Variants in POU6F2 observed in about 807,000 individuals in gnomAD.
POU6F2 encodes the protein POU domain, class 6, transcription factor 2.
POU6F2 carries 31 observed loss-of-function variants against 71.3 expected under a neutral mutation model. The observed-to-expected ratio is 0.43, with a 90% CI of 0.33 to 0.59. POU6F2 has a LOEUF of 0.59. Ranked by LOEUF, POU6F2 falls within the 20% of genes least tolerant of loss-of-function variation. The pLI is 0.04. For missense variants in POU6F2, 783 were observed against 856.8 expected, an observed-to-expected ratio of 0.91 and a Z score of 1.07; for synonymous variants, 347 against 355.7, an observed-to-expected ratio of 0.98 and a Z score of 0.27.
intron 4 of POU6F2, among the ~76,000 whole-genome samples, chr7:39,238,239 C>T (rs1178208777): frequency 2.0e-5 from 3 of 152,074 alleles, no homozygotes; most frequent in East Asian, 1.9e-4. Flanking sequence ...TAGTACTCGC[C>T]AAGTGGGCTG....
At chr7:38,978,420 T>C (rs534212499) in intron 1 of POU6F2, among the ~76,000 whole-genome samples, 1 of 152,288 alleles carries the variant, frequency 6.6e-6, no homozygotes, top group African/African-American at 2.4e-5. Context: ...GTTTCCTAGG[T>C]AGTAGTTAAT....
At position 39,253,512 on chromosome 7, in the gene POU6F2, G is replaced by A. The variant is rs560177144; in HGVS notation, c.598+45892G>A. ...TGTACATTGCCTTTGGGCAGTGTGC[G>A]GCTTTAATAAATAAACACACAGCTT... On this transcript the variant is annotated intron_variant, in intron 4 of 9. Coordinates refer to ENST00000518318, the MANE Select transcript of POU6F2 (RefSeq NM_001370959.1). Among the ~76,000 whole-genome samples the A allele has an allele frequency of 6.0e-4, 91 of 152,274 alleles. 2 individuals carry two copies. In the South Asian group the frequency reaches 0.018, roughly 30 times the overall value.
intron 2 of POU6F2, among the ~76,000 whole-genome samples, chr7:39,107,475 A>C (rs1178807035): frequency 6.6e-6 from 1 of 152,182 alleles, no homozygotes; most frequent in Admixed American, 6.6e-5. Context: ...GATGAGAAAA[A>C]TATTTTCTTT....
intron 4 of POU6F2, among the ~76,000 whole-genome samples, chr7:39,210,427 T>C (rs1794117069): frequency 6.6e-6 from 1 of 152,220 alleles, no homozygotes; most frequent in East Asian, 1.9e-4. Context: ...AAAAAGTTGC[T>C]GACATCAGTC....
rs551097532 is a variant in POU6F2 at position 39,087,205 on chromosome 7, G to A, written c.277+1174G>A. On this transcript the variant is annotated intron_variant, in intron 2 of 9. Transcript: ENST00000518318. ...ATTTATTTATTTATTTATTTTAACCGACAGAAAGCAAGCTGCCCTGAGAGT... is the reference window on the plus strand; with the variant it reads ...ATTTATTTATTTATTTATTTTAACCAACAGAAAGCAAGCTGCCCTGAGAGT... 4.6e-4 allele frequency among the ~76,000 whole-genome samples: 68 copies of A among 148,350 alleles called. 1 individual carries two copies. Among genetic ancestry groups the A allele is most frequent in the African/African-American group, 1.5e-3 (59 of 40,330 alleles).
chr7:39,165,196 C>G (rs964162738), intron 2 of POU6F2, among the ~76,000 whole-genome samples: 1 of 152,140 alleles, frequency 6.6e-6, no homozygotes, highest in Non-Finnish European at 1.5e-5. Flanking sequence ...TACACTCCCC[C>G]CAGCCCCTCA....
chr7:39,365,677 C>A (rs1235380706), intron 5 of POU6F2, among the ~76,000 whole-genome samples: 1 of 152,016 alleles, frequency 6.6e-6, no homozygotes, highest in African/African-American at 2.4e-5. Flanking sequence ...TGCACTCAAA[C>A]AAATTAGCAA....
chr7:39,076,894 A>C (rs1003529956), intron 1 of POU6F2, among the ~76,000 whole-genome samples: 5 of 151,190 alleles, frequency 3.3e-5, no homozygotes, highest in Non-Finnish European at 7.4e-5. Flanking sequence ...ACACACACAC[A>C]CATTAATTAA....
At chr7:39,275,673 A>G (rs1457917452) in intron 4 of POU6F2, among the ~76,000 whole-genome samples, 1 of 152,228 alleles carries the variant, frequency 6.6e-6, no homozygotes, top group African/African-American at 2.4e-5. Context: ...TACAGTAACC[A>G]AAACAGCATG....
At chr7:39,153,106 G>A (rs548798497) in intron 2 of POU6F2, among the ~76,000 whole-genome samples, 6 of 152,208 alleles carry the variant, frequency 3.9e-5, no homozygotes, top group Admixed American at 3.3e-4. Flanking sequence ...TGGTTTCTGC[G>A]GTGATGTGCG....
At chr7:39,347,614 C>G (rs1358656257) in intron 5 of POU6F2, among the ~76,000 whole-genome samples, 2 of 125,404 alleles carry the variant, frequency 1.6e-5, no homozygotes, top group East Asian at 2.6e-4. Context: ...GTTTCCCCAT[C>G]AATATTATTA....
chr7:38,985,513 T>C (rs1203181791), intron 1 of POU6F2, among the ~76,000 whole-genome samples: 1 of 152,114 alleles, frequency 6.6e-6, no homozygotes, highest in African/African-American at 2.4e-5. Context: ...AACTTAATCT[T>C]GCAGCCAGAT....
intron 2 of POU6F2, among the ~76,000 whole-genome samples, chr7:39,190,018 C>T (rs1200637848): frequency 6.6e-6 from 1 of 151,970 alleles, no homozygotes; most frequent in African/African-American, 2.4e-5. Context: ...CCCAGCCTCC[C>T]GAGTAGCTGG....
chr7:39,294,928 GAC>G (rs1259124505), intron 4 of POU6F2, among the ~76,000 whole-genome samples: 2 of 152,164 alleles, frequency 1.3e-5, no homozygotes, highest in Non-Finnish European at 2.9e-5. Flanking sequence ...TATGTTGAAA[GAC>G]ACTCTGCATT....
intron 2 of POU6F2, among the ~76,000 whole-genome samples, chr7:39,191,847 A>G (rs189970227): frequency 6.6e-6 from 1 of 152,194 alleles, no homozygotes; most frequent in Non-Finnish European, 1.5e-5. Context: ...GAAATAGACT[A>G]AGTGAGGGAA....
intron 1 of POU6F2, among the ~76,000 whole-genome samples, chr7:39,018,301 GA>G (rs1399569792): frequency 1.3e-5 from 2 of 152,110 alleles, no homozygotes; most frequent in Admixed American, 1.3e-4. Context: ...CTCTCTCCAT[GA>G]AGTAGGAAGT....
intron 4 of POU6F2, among the ~76,000 whole-genome samples, chr7:39,336,031 T>C (rs1785768543): frequency 6.6e-6 from 1 of 152,190 alleles, no homozygotes; most frequent in Non-Finnish European, 1.5e-5. Flanking sequence ...AAAGGAGAAG[T>C]ATGCTCTTGC....
intron 1 of POU6F2, among the ~76,000 whole-genome samples, chr7:39,020,606 C>T (rs1789662293): frequency 6.6e-6 from 1 of 152,048 alleles, no homozygotes; most frequent in Non-Finnish European, 1.5e-5. Flanking sequence ...CTCTTTTACT[C>T]TTTCTCCTCA....
intron 1 of POU6F2, among the ~76,000 whole-genome samples, chr7:39,004,539 T>C (rs1789003674): frequency 6.6e-6 from 1 of 152,154 alleles, no homozygotes; most frequent in Admixed American, 6.5e-5. Context: ...ACCTCTGAGT[T>C]AGAGGAAGAA....
Sources: gnomAD v4.1 joint callset for allele counts (sites outside exome capture counted in the v4.1 genomes callset) on GRCh38, gnomAD v4.1.1 for gene constraint, MANE v1.5 for transcripts, NCBI Gene and HGNC (gene_info 2026-07-23, HGNC 2026-07-21) for gene names.